RBPMS: variants seen among roughly 807,000 people sequenced by gnomAD.
RBPMS encodes RNA-binding protein with multiple splicing.
Under a neutral mutation model 26.8 loss-of-function variants are expected in RBPMS, and 7 were observed. The observed-to-expected ratio is 0.26, with a 90% confidence interval of 0.15 to 0.49. RBPMS has a LOEUF of 0.49. Ranked by LOEUF, RBPMS falls within the 20% of genes least tolerant of loss-of-function variation. The pLI is 0.98. For missense variants in RBPMS, 186 were observed against 250.0 expected (o/e 0.74, Z 1.73); for synonymous variants, 96 against 93.3 (o/e 1.03, Z -0.17).
At chr8:30,461,956 T>C (rs563795348) in intron 1 of RBPMS, among the ~76,000 whole-genome samples, 47 of 152,358 alleles carry the variant, frequency 3.1e-4, no homozygotes, top group African/African-American at 1.1e-3. Context: ...ATGTAATCTT[T>C]AGAGATTGGC....
intron 1 of RBPMS, among the ~76,000 whole-genome samples, chr8:30,466,475 G>A (rs747254525): frequency 2.6e-5 from 4 of 152,130 alleles, no homozygotes; most frequent in East Asian, 3.8e-4. Context: ...GAGCCCAGGC[G>A]TTCTAGGCTG....
At chr8:30,423,824 G>GTT (rs35688358) in intron 1 of RBPMS, among the ~76,000 whole-genome samples, 3 of 133,388 alleles carry the variant, frequency 2.2e-5, no homozygotes, top group African/African-American at 3.1e-5. Flanking sequence ...TGGGTTTTTT[G>GTT]TTTTTTTTGT....
chr8:30,519,492 T>C lies in RBPMS; in HGVS notation c.397+15056T>C, dbSNP rs963113026. Among the ~76,000 whole-genome samples, 11 of 26,012 alleles carry C rather than the reference T, an allele frequency of 4.2e-4. 1 individual carries two copies. Among genetic ancestry groups the C allele is most frequent in the African/African-American group, 1.5e-3 (11 of 7,302 alleles). The allele number at this position is 26,012 out of a possible 152,430, so 17.1% of individuals were successfully genotyped here. A position where few individuals can be genotyped will look rare whatever the true frequency, so the allele number is the denominator to read the frequency against. ...TTTTTTTTTTTTTTTTTTTTTTTTT[T>C]TTTTTTTTGGAGACGGAGTCTCACT... On this transcript the variant is annotated intron_variant, in intron 5 of 8. Transcript: ENST00000397323.
intron 5 of RBPMS, among the ~76,000 whole-genome samples, chr8:30,539,517 C>G (rs1212965041): frequency 6.6e-6 from 1 of 152,000 alleles, no homozygotes; most frequent in Non-Finnish European, 1.5e-5. Context: ...AATCCTCAGT[C>G]TGGCTATTTC....
chr8:30,562,405 C>T (rs569166130), intron 7 of RBPMS, among the ~76,000 whole-genome samples: 2 of 151,782 alleles, frequency 1.3e-5, no homozygotes, highest in East Asian at 3.9e-4. Context: ...GGCCATGGGC[C>T]AGACTCCTTC....
chr8:30,485,281 G>T (rs141032407), intron 4 of RBPMS, among the ~76,000 whole-genome samples: 7 of 152,246 alleles, frequency 4.6e-5, no homozygotes, highest in African/African-American at 1.7e-4. Context: ...AACATTTTAC[G>T]AATATAAGCA....
intron 6 of RBPMS, among the ~76,000 whole-genome samples, chr8:30,557,753 T>G (rs1420063749): frequency 6.6e-6 from 1 of 152,204 alleles, no homozygotes; most frequent in Non-Finnish European, 1.5e-5. Flanking sequence ...CCATGCCGCC[T>G]CCATGTGAAA....
chr8:30,423,404 C>T (rs1285714431), intron 1 of RBPMS, among the ~76,000 whole-genome samples: 1 of 152,170 alleles, frequency 6.6e-6, no homozygotes, highest in Non-Finnish European at 1.5e-5. Flanking sequence ...GCCTGGTTGC[C>T]TAGCTACCTC....
intron 1 of RBPMS, among the ~76,000 whole-genome samples, chr8:30,455,788 G>C (rs1392915045): frequency 6.6e-6 from 1 of 152,178 alleles, no homozygotes. Context: ...TACTCGGGAG[G>C]CTGAGTCGGG....
chr8:30,562,231 TGAGGCAGGAGAATCGCTTGAACCCGG>T (rs1362145605), intron 7 of RBPMS: 1 of 163,712 alleles, frequency 6.1e-6, no homozygotes, highest in Non-Finnish European at 1.2e-5. Flanking sequence ...CTAGGGAGGC[TGAGGCAGGAGAATCGCTTGAACCCGG>T]GAGGCAGAGG....
intron 1 of RBPMS, among the ~76,000 whole-genome samples, chr8:30,421,156 TGTGTGTGTGAGAGAGA>T (rs1162140827): frequency 2.0e-5 from 3 of 151,324 alleles, no homozygotes; most frequent in Non-Finnish European, 4.4e-5. Context: ...GGGAGGTGTG[TGTGTGTGTGAGAGAGA>T]GTGTGTGTGT....
At chr8:30,479,225 T>C in intron 3 of RBPMS, 90 bp from the exon 4 acceptor site, 1 of 925,454 alleles carries the variant, frequency 1.1e-6, no homozygotes. Flanking sequence ...CATTTCTTTA[T>C]CTTAGCTCTT....
At chr8:30,512,179 A>G (rs1159364053) in intron 5 of RBPMS, among the ~76,000 whole-genome samples, 2 of 152,144 alleles carry the variant, frequency 1.3e-5, no homozygotes, top group Non-Finnish European at 2.9e-5. Flanking sequence ...AGCTGGGAGT[A>G]CAAGCACATA....
intron 1 of RBPMS, among the ~76,000 whole-genome samples, chr8:30,464,382 G>A (rs1057390514): frequency 2.6e-5 from 4 of 152,100 alleles, no homozygotes; most frequent in African/African-American, 9.7e-5. Context: ...TATATATTGG[G>A]TAATTTCTGA....
chr8:30,389,233 T>C (rs1438672099), intron 1 of RBPMS, among the ~76,000 whole-genome samples: 1 of 152,256 alleles, frequency 6.6e-6, no homozygotes, highest in Non-Finnish European at 1.5e-5. Context: ...TGACAACTGA[T>C]GCTCCATGAC....
At chr8:30,521,835 T>C (rs1823069137) in intron 5 of RBPMS, among the ~76,000 whole-genome samples, 1 of 152,142 alleles carries the variant, frequency 6.6e-6, no homozygotes, top group Non-Finnish European at 1.5e-5. Context: ...GTACAGATAT[T>C]TGTTAAGAGG....
At chr8:30,542,405 C>T (rs1014812761) in intron 5 of RBPMS, among the ~76,000 whole-genome samples, 1 of 152,170 alleles carries the variant, frequency 6.6e-6, no homozygotes, top group Non-Finnish European at 1.5e-5. Flanking sequence ...AAAGGACATA[C>T]TCATTTCATT....
chr8:30,455,762 C>T (rs1051032230), intron 1 of RBPMS, among the ~76,000 whole-genome samples: 22 of 151,958 alleles, frequency 1.4e-4, no homozygotes, highest in Admixed American at 4.6e-4. Flanking sequence ...TGGTGGTGGG[C>T]GCCTGTAGTC....
chr8:30,556,163 G>A, intron 6 of RBPMS: 1 of 985,438 alleles, frequency 1.0e-6, no homozygotes. Context: ...AATGAATTCA[G>A]GGGTCTGTGT....
Sources: gnomAD v4.1 joint callset for allele counts (sites outside exome capture counted in the v4.1 genomes callset) on GRCh38, gnomAD v4.1.1 for gene constraint, MANE v1.5 for transcripts, NCBI Gene and HGNC (gene_info 2026-07-23, HGNC 2026-07-21) for gene names.